The following MAPK3 variants were observed in gnomAD, a reference collection of about 807,000 sequenced individuals.
MAPK3 encodes mitogen-activated protein kinase 3, also known as MAPK 1.
A neutral mutation model predicts 41.8 loss-of-function variants in MAPK3; 30 were observed. That is an observed-to-expected ratio of 0.72 (90% CI 0.54 to 0.97). MAPK3 has a LOEUF of 0.97. Ranked by LOEUF, MAPK3 falls within the 50% of genes least tolerant of loss-of-function variation. MAPK3 has a pLI of 0.00. For synonymous variants in MAPK3, 222 were observed against 213.4 expected, an observed-to-expected ratio of 1.04 and a Z score of -0.35; for missense variants, 413 against 509.9, an observed-to-expected ratio of 0.81 and a Z score of 1.83.
chr16:30,117,971 G>T, intron 4 of MAPK3, 76 bp downstream of exon 4: 1 of 1,351,672 alleles, frequency 7.4e-7, no homozygotes, highest in Non-Finnish European at 1.1e-6. Context: ...ATGGGGGTCA[G>T]TGTCTGGCTC....
intron 2 of MAPK3, among the ~76,000 whole-genome samples, chr16:30,118,799 G>A (rs1414638139): frequency 2.0e-5 from 3 of 152,020 alleles, no homozygotes; most frequent in East Asian, 1.9e-4. Flanking sequence ...CCGGGGAAAC[G>A]GGGATAATAA....
At chr16:30,121,010 G>T (rs997158103) in intron 2 of MAPK3, among the ~76,000 whole-genome samples, 1 of 151,582 alleles carries the variant, frequency 6.6e-6, no homozygotes, top group African/African-American at 2.4e-5. Flanking sequence ...AAGCTGAAAA[G>T]CCCATCTCAT....
chr16:30,122,979 C>A, intron 1 of MAPK3, 61 bp downstream of exon 1: 2 of 1,346,270 alleles, frequency 1.5e-6, no homozygotes, highest in Non-Finnish European at 2.0e-6. Context: ...GGCGCCTCCT[C>A]CTCCTCTCCC....
At chr16:30,119,697 C>T (rs1362194185) in intron 2 of MAPK3, among the ~76,000 whole-genome samples, 1 of 152,206 alleles carries the variant, frequency 6.6e-6, no homozygotes, top group Non-Finnish European at 1.5e-5. Flanking sequence ...AATGAGGAGA[C>T]ACTCCCAACA....
In MAPK3 at chr16:30,118,147, A is replaced by C; in HGVS notation, c.560T>G (p.Leu187Arg). 1 of 1,614,006 alleles carries C rather than the reference A, an allele frequency of 6.2e-7. No homozygotes were observed. The highest frequency in any genetic ancestry group is 8.5e-7 in the Non-Finnish European group (1 of 1,180,002). The change falls in exon 4 of 9, where the codon CTG becomes CGG. Residue 187 changes from leucine (L) to arginine (R), a missense_variant. Transcript: ENST00000263025. Reference protein sequence around the residue: ...TCDLKICDFGLARIADPEHDH... With the variant: ...TCDLKICDFGRARIADPEHDH... ...ATGCTCAGGATCGGCAATCCGGGCC[A>C]GGCCGAAATCACAAATCTGGAATCA... is the stretch of plus-strand genomic sequence containing the variant.
Position 30,118,433 on chromosome 16 carries a change from G to A in MAPK3, c.459C>T (p.Gly153=), listed in dbSNP as rs1332717083. ...ICYFLYQILR[G]LKYIHSANVL... is the part of the protein sequence containing the mutation. ...CGTTGGCGGAGTGGATGTACTTGAG[G>A]CCCCGCAGGATCTGGTAGAGGAAGT... Residue 153 remains glycine, a synonymous_variant, in exon 3 of 9, where the codon GGC becomes GGT. Coordinates refer to ENST00000263025, the MANE Select transcript of MAPK3 (RefSeq NM_002746.3). 6.2e-7 allele frequency: 1 copy of A among 1,614,026 alleles called. No homozygotes were observed. Among genetic ancestry groups the A allele is most frequent in the African/African-American group, 1.3e-5 (1 of 75,002 alleles).
rs1408871945 is a variant in MAPK3, at chr16:30,117,012, G to A, written c.908-9C>T. 14 of 1,597,288 alleles carry A rather than the reference G, an allele frequency of 8.8e-6. No individual in the cohort carries two copies. The highest frequency in any genetic ancestry group is 1.2e-5 in the Non-Finnish European group (14 of 1,169,614). ...GTCCAGCAGGTCAAGGGCTATGGAA[G>A]GGCAGGAGTCAGGGGTCACAGGGAA... On this transcript the variant is annotated splice_polypyrimidine_tract_variant and intron_variant, in intron 6 of 8. Transcript: ENST00000263025.
Position 30,120,742 on chromosome 16 carries a change from A to G in MAPK3, c.353+1082T>C, listed in dbSNP as rs2073008202. 2.2e-5 allele frequency among the ~76,000 whole-genome samples: 3 copies of G among 139,446 alleles called. No individual in the cohort carries two copies. In the South Asian group the frequency reaches 6.7e-4, roughly 31 times the overall value. 91.5% of individuals were successfully genotyped at this position (139,446 alleles called of 152,430 possible). A position where few individuals can be genotyped will look rare whatever the true frequency, so the allele number is the denominator to read the frequency against. On this transcript the variant is annotated intron_variant, in intron 2 of 8. Coordinates refer to ENST00000263025, the MANE Select transcript of MAPK3 (RefSeq NM_002746.3). ...TCTGTCCCCCAGGCTAGAGTGCAGT[A>G]GCACAATCATAGCTCACTGCAGCCT...
chr16:30,115,756 ATT>A (rs544098757), intron 8 of MAPK3: 37 of 134,400 alleles, frequency 2.8e-4, no homozygotes, highest in Non-Finnish European at 3.1e-4. Context: ...AGCCTTGGGC[ATT>A]TTTTTTTTTT....
chr16:30,117,169 T>TG lies in MAPK3; in HGVS notation c.891dup (p.Lys298GlnfsTer8). On this transcript the variant is annotated frameshift_variant, in exon 6 of 9. Transcript: ENST00000263025. LOFTEE classifies it high-confidence loss of function. ...TCTCTCGAACCTTTGGAGTCTGACTTGGGGAAAAGCTTGGCCCAAGCCACC... is the reference window on the plus strand; with the variant it reads ...TCTCTCGAACCTTTGGAGTCTGACTTGGGGGAAAAGCTTGGCCCAAGCCACC... 2 of 1,613,996 alleles carry TG rather than the reference T, an allele frequency of 1.2e-6. No homozygotes were observed. Among genetic ancestry groups the TG allele is most frequent in the Non-Finnish European group, 1.7e-6 (2 of 1,179,966 alleles).
chr16:30,118,604 G>A, intron 2 of MAPK3, 66 bp from the exon 3 acceptor site: 1 of 1,367,888 alleles, frequency 7.3e-7, no homozygotes, highest in South Asian at 1.3e-5. Context: ...AAGGAAAACA[G>A]GCTCTGAAGG....
chr16:30,120,336 A>T (rs1218126760), intron 2 of MAPK3, among the ~76,000 whole-genome samples: 1 of 151,704 alleles, frequency 6.6e-6, no homozygotes, highest in East Asian at 1.9e-4. Flanking sequence ...TTTCCTGTCC[A>T]CAGTTTGTGG....
chr16:30,120,682 CTTT>C (rs34799400), intron 2 of MAPK3, among the ~76,000 whole-genome samples: 11 of 113,148 alleles, frequency 9.7e-5, no homozygotes, highest in Admixed American at 7.0e-4. Context: ...GCTTCCTCAT[CTTT>C]TTTTTTTTTT....
chr16:30,115,436 G>A (rs140167701), intron 8 of MAPK3, among the ~76,000 whole-genome samples: 278 of 152,320 alleles, frequency 1.8e-3, no homozygotes, highest in African/African-American at 4.2e-3. Context: ...GGGCAGGCCA[G>A]TGGGGTCCCC....
At chr16:30,121,107 TTTTG>T (rs2073011096) in intron 2 of MAPK3, among the ~76,000 whole-genome samples, 1 of 151,694 alleles carries the variant, frequency 6.6e-6, no homozygotes, top group African/African-American at 2.4e-5. Flanking sequence ...AAAGGCAGTT[TTTTG>T]TTTTTGTTTA....
chr16:30,122,006 G>A lies in MAPK3; in HGVS notation c.171C>T (p.Ser57=). 6.2e-7 allele frequency: 1 copy of A among 1,613,970 alleles called. No individual in the cohort carries two copies. Among genetic ancestry groups the A allele is most frequent in the Non-Finnish European group, 8.5e-7 (1 of 1,180,018 alleles). Reference sequence around the variant, plus strand: ...TCTTGCGCACGTGGTCATAGGCCGAGCTGAGGGGACCGGAGAGAGGCTGCT... The same window carrying A: ...TCTTGCGCACGTGGTCATAGGCCGAACTGAGGGGACCGGAGAGAGGCTGCT... The part of the protein sequence containing the change: ...YIGEGAYGMV[S]SAYDHVRKTR... Residue 57 remains serine (S), a splice_region_variant and synonymous_variant, in exon 2 of 9, where the codon AGC becomes AGT. Coordinates refer to ENST00000263025, the MANE Select transcript of MAPK3 (RefSeq NM_002746.3).
chr16:30,118,364 G>C lies in MAPK3; in HGVS notation c.528C>G (p.Thr176=). Residue 176 remains threonine, a synonymous_variant, in exon 3 of 9, where the codon ACC becomes ACG. Coordinates refer to ENST00000263025, the MANE Select transcript of MAPK3 (RefSeq NM_002746.3). ...DLKPSNLLIN[T]TCDLKICDFG... Reference sequence around the variant, plus strand: ...ACCCTCTGACCTTAAGGTCGCAGGTGGTGTTGATGAGCAGGTTGGAGGGCT... The same window carrying C: ...ACCCTCTGACCTTAAGGTCGCAGGTCGTGTTGATGAGCAGGTTGGAGGGCT... 1 of 1,612,396 alleles carries C rather than the reference G, an allele frequency of 6.2e-7. No homozygotes were observed. The highest frequency in any genetic ancestry group is 1.1e-5 in the South Asian group (1 of 90,934).
In MAPK3 at chr16:30,121,821, T is replaced by C. The variant is rs1260493044; in HGVS notation, c.353+3A>G. 6.2e-7 allele frequency: 1 copy of C among 1,613,744 alleles called. No homozygotes were observed. Among genetic ancestry groups the C allele is most frequent in the Admixed American group, 1.7e-5 (1 of 60,010 alleles). On this transcript the variant is annotated splice_donor_region_variant and intron_variant, in intron 2 of 8. Coordinates refer to ENST00000263025, the MANE Select transcript of MAPK3 (RefSeq NM_002746.3). The stretch of plus-strand genomic sequence containing the variant: ...CCAGCCGACTGGCCAAGGTGAAGGA[T>C]ACACATCTCTCATGGCTTCCAGGGT...
chr16:30,117,153 C>A lies in MAPK3; in HGVS notation c.907+1G>T. On this transcript the variant is annotated splice_donor_variant, in intron 6 of 8. Coordinates refer to ENST00000263025, the MANE Select transcript of MAPK3 (RefSeq NM_002746.3). LOFTEE classifies it high-confidence loss of function. ...CACACCCACCCTCATGTCTCTCGAA[C>A]CTTTGGAGTCTGACTTGGGGAAAAG... 6.2e-7 allele frequency: 1 copy of A among 1,614,036 alleles called. No individual in the cohort carries two copies. Among genetic ancestry groups the A allele is most frequent in the South Asian group, 1.1e-5 (1 of 91,074 alleles).
Sources: gnomAD v4.1 joint callset for allele counts (sites outside exome capture counted in the v4.1 genomes callset) on GRCh38, gnomAD v4.1.1 for gene constraint, MANE v1.5 for transcripts, NCBI Gene and HGNC (gene_info 2026-07-23, HGNC 2026-07-21) for gene names.